SLC8A1: variants seen among roughly 807,000 people sequenced by gnomAD.
SLC8A1 encodes the protein solute carrier family 8 member A1.
Under a neutral mutation model 68.3 loss-of-function variants are expected in SLC8A1, and 18 were observed. The observed-to-expected ratio is 0.26, with a 90% CI of 0.18 to 0.39. The LOEUF is 0.39. Among genes scored for constraint, SLC8A1 ranks in the 10% least tolerant of loss-of-function variants. The pLI is 1.00. For missense variants in SLC8A1, 985 were observed against 1,156.7 expected, an observed-to-expected ratio of 0.85 and a Z score of 2.15; for synonymous variants, 475 against 415.5, an observed-to-expected ratio of 1.14 and a Z score of -1.74.
At chr2:40,146,617 T>C (rs999179313) in intron 6 of SLC8A1, among the ~76,000 whole-genome samples, 7 of 142,332 alleles carry the variant, frequency 4.9e-5, no homozygotes, top group Admixed American at 3.5e-4. Flanking sequence ...AACTAGATGG[T>C]CCCATCTTTG....
intron 2 of SLC8A1, among the ~76,000 whole-genome samples, chr2:40,358,948 GAA>G (rs985366290): frequency 1.6e-4 from 24 of 152,152 alleles, no homozygotes; most frequent in Non-Finnish European, 2.2e-4. Flanking sequence ...TACCTGAGAG[GAA>G]AACGAGAGCT....
At chr2:40,438,163 A>C (rs529030132) in intron 1 of SLC8A1, among the ~76,000 whole-genome samples, 2 of 152,288 alleles carry the variant, frequency 1.3e-5, no homozygotes, top group African/African-American at 4.8e-5. Flanking sequence ...GACTCTGTAC[A>C]TCTTTCAAAA....
intron 2 of SLC8A1, among the ~76,000 whole-genome samples, chr2:40,341,227 G>C (rs987137321): frequency 6.6e-6 from 1 of 152,142 alleles, no homozygotes; most frequent in Non-Finnish European, 1.5e-5. Context: ...CGTGAAACAA[G>C]TCAATTCATC....
At chr2:40,282,693 T>C (rs1185604201) in intron 2 of SLC8A1, among the ~76,000 whole-genome samples, 3 of 152,162 alleles carry the variant, frequency 2.0e-5, no homozygotes, top group Admixed American at 1.3e-4. Context: ...ATCTCATTCT[T>C]GCAGGAAATA....
chr2:40,451,578 G>A (rs1702492029), intron 1 of SLC8A1, among the ~76,000 whole-genome samples: 1 of 152,132 alleles, frequency 6.6e-6, no homozygotes, highest in Admixed American at 6.5e-5. Flanking sequence ...GCCCAGCGCG[G>A]TGCAGGGTGC....
chr2:40,199,241 A>C (rs960038511), intron 2 of SLC8A1, among the ~76,000 whole-genome samples: 1 of 151,838 alleles, frequency 6.6e-6, no homozygotes, highest in African/African-American at 2.4e-5. Flanking sequence ...TGCATTACTC[A>C]GATCTATCAT....
intron 2 of SLC8A1, among the ~76,000 whole-genome samples, chr2:40,265,411 C>T (rs907687590): frequency 3.9e-5 from 6 of 152,100 alleles, no homozygotes; most frequent in Non-Finnish European, 8.8e-5. Context: ...CCTTCCACTT[C>T]GAAGAAAATG....
intron 1 of SLC8A1, among the ~76,000 whole-genome samples, chr2:40,506,971 T>C (rs1032494301): frequency 6.6e-6 from 1 of 152,000 alleles, no homozygotes; most frequent in African/African-American, 2.4e-5. Flanking sequence ...ACACCTTATA[T>C]GTAAAATTAT....
exon 8 of SLC8A1, chr2:40,099,443 C>T (rs557407985): frequency 3.3e-5 from 5 of 151,970 alleles, no homozygotes; most frequent in Middle Eastern, 3.4e-3. Flanking sequence ...TAGAAATAAC[C>T]GTAGACATGG....
intron 2 of SLC8A1, among the ~76,000 whole-genome samples, chr2:40,361,439 A>T (rs1198248069): frequency 3.3e-5 from 5 of 150,702 alleles, no homozygotes; most frequent in African/African-American, 1.2e-4. Flanking sequence ...ATTGTTATGC[A>T]CATTAGTAGA....
At chr2:40,225,282 T>A (rs866528371) in intron 2 of SLC8A1, among the ~76,000 whole-genome samples, 2 of 152,240 alleles carry the variant, frequency 1.3e-5, no homozygotes, top group African/African-American at 4.8e-5. Flanking sequence ...TCCCTATTTG[T>A]ATAGTGGAAA....
chr2:40,151,833 G>A (rs1323399495), intron 6 of SLC8A1, among the ~76,000 whole-genome samples: 2 of 152,074 alleles, frequency 1.3e-5, no homozygotes, highest in Non-Finnish European at 2.9e-5. Context: ...GGCATTGTGA[G>A]GTTTTATAAA....
chr2:40,169,452 G>A (rs1297107335), intron 4 of SLC8A1, among the ~76,000 whole-genome samples: 1 of 152,098 alleles, frequency 6.6e-6, no homozygotes. Context: ...AATATCATTA[G>A]AGATGATATT....
intron 7 of SLC8A1, among the ~76,000 whole-genome samples, chr2:40,132,072 AAATGT>A (rs951774103): frequency 3.3e-5 from 5 of 152,068 alleles, no homozygotes; most frequent in African/African-American, 1.2e-4. Flanking sequence ...TGAAGAGTTT[AAATGT>A]AATCTTACTG....
chr2:40,229,410 C>T (rs944577627), intron 2 of SLC8A1, among the ~76,000 whole-genome samples: 1 of 150,384 alleles, frequency 6.6e-6, no homozygotes, highest in African/African-American at 2.4e-5. Context: ...AGAGAAAACA[C>T]TTAAAAAAAA....
intron 2 of SLC8A1, among the ~76,000 whole-genome samples, chr2:40,310,874 G>A (rs1256997686): frequency 6.6e-6 from 1 of 152,106 alleles, no homozygotes; most frequent in East Asian, 1.9e-4. Context: ...CTTATACTAT[G>A]TGACAATCAG....
At chr2:40,372,500 C>T (rs1047088965) in intron 2 of SLC8A1, among the ~76,000 whole-genome samples, 12 of 152,128 alleles carry the variant, frequency 7.9e-5, no homozygotes, top group African/African-American at 2.4e-4. Context: ...CCATGGCAAA[C>T]ATCAAAAACA....
At chr2:40,287,705 G>A (rs2149216195) in intron 2 of SLC8A1, among the ~76,000 whole-genome samples, 1 of 151,694 alleles carries the variant, frequency 6.6e-6, no homozygotes, top group South Asian at 2.1e-4. Flanking sequence ...GAACAGGGGA[G>A]GATGAGGGAT....
At chr2:40,416,450 G>C (rs1045254796) in intron 2 of SLC8A1, among the ~76,000 whole-genome samples, 3 of 152,018 alleles carry the variant, frequency 2.0e-5, no homozygotes, top group African/African-American at 4.8e-5. Context: ...GTAAGGCATA[G>C]ACTAATTTAG....
Sources: allele counts gnomAD v4.1 joint callset (sites outside exome capture counted in the v4.1 genomes callset), GRCh38; gene constraint gnomAD v4.1.1; transcripts MANE v1.5; gene names NCBI Gene and HGNC (gene_info 2026-07-23, HGNC 2026-07-21).